TRAK2: variants seen among roughly 807,000 people sequenced by gnomAD.
TRAK2 encodes trafficking kinesin-binding protein 2.
Under a neutral mutation model 104.6 loss-of-function variants are expected in TRAK2, and 81 were observed. The observed-to-expected ratio is 0.77, with a 90% CI of 0.65 to 0.93. The LOEUF is 0.93. Among genes scored for constraint, TRAK2 ranks in the 40% least tolerant of loss-of-function variants. The pLI, the probability that TRAK2 is intolerant of heterozygous loss-of-function variation, is 0.00. For missense variants in TRAK2, 1,002 were observed against 1,089.0 expected (o/e 0.92, Z 1.12); for synonymous variants, 406 against 394.4 (o/e 1.03, Z -0.35).
Position 201,437,123 on chromosome 2 carries a change from T to C in TRAK2, c.-200+14227A>G, listed in dbSNP as rs539704014. On this transcript the variant is annotated intron_variant, in intron 1 of 15. Transcript: ENST00000332624. ...AGAATTAACATGCAATAGACGCCTT[T>C]GGTTTGCCCATGAACTTCAGGGCAA... Among the ~76,000 whole-genome samples, 5 of 152,300 alleles carry C rather than the reference T, an allele frequency of 3.3e-5. No individual in the cohort carries two copies. In the South Asian group the frequency reaches 6.2e-4, roughly 19 times the overall value.
At chr2:201,411,931 G>A in intron 2 of TRAK2, 1 of 1,012,110 alleles carries the variant, frequency 9.9e-7, no homozygotes, top group East Asian at 2.4e-5. Context: ...AGAGCTCCTG[G>A]TATTGAATGG....
intron 6 of TRAK2, 96 bp downstream of exon 6, chr2:201,398,049 A>T: frequency 8.4e-7 from 1 of 1,190,430 alleles, no homozygotes; most frequent in Non-Finnish European, 1.2e-6. Flanking sequence ...TGCCAATAGC[A>T]AATCCTTACT....
In TRAK2 at chr2:201,401,077, C is replaced by T. The variant is rs145790146; in HGVS notation, c.304G>A (p.Val102Met). Reference sequence around the variant, plus strand: ...TTGTAAGTTTTGGTCATCTGCTCCACCCTGTCTGTGCCTAGAACTAATATA... The same window carrying T: ...TTGTAAGTTTTGGTCATCTGCTCCATCCTGTCTGTGCCTAGAACTAATATA... ...FRYMILGTDR[V>M]EQMTKTYNDI... The change falls in exon 4 of 16, where the codon GTG becomes ATG. Residue 102 changes from valine to methionine, a missense_variant. Val to Met is a conservative substitution (Grantham distance 21). Coordinates refer to ENST00000332624, the MANE Select transcript of TRAK2 (RefSeq NM_015049.3). The T allele has an allele frequency of 3.7e-6, 6 of 1,609,848 alleles. No individual in the cohort carries two copies. The highest frequency in any genetic ancestry group is 4.2e-6 in the Non-Finnish European group (5 of 1,177,168).
chr2:201,429,382 G>C (rs1951821019), intron 1 of TRAK2, among the ~76,000 whole-genome samples: 1 of 152,164 alleles, frequency 6.6e-6, no homozygotes, highest in Non-Finnish European at 1.5e-5. Context: ...GGCATTCTCT[G>C]TATTTCCTGA....
chr2:201,431,162 C>T (rs988852563), intron 1 of TRAK2, among the ~76,000 whole-genome samples: 18 of 152,132 alleles, frequency 1.2e-4, no homozygotes, highest in Admixed American at 2.0e-4. Context: ...AGTGATGATT[C>T]CTAAAGCTCA....
intron 4 of TRAK2, 56 bp downstream of exon 4, chr2:201,400,962 C>G: frequency 7.1e-7 from 1 of 1,401,634 alleles, no homozygotes; most frequent in Non-Finnish European, 1.0e-6. Flanking sequence ...TTGATAGATT[C>G]CAAATGATCC....
chr2:201,407,346 A>G lies in TRAK2; in HGVS notation c.286+57T>C, dbSNP rs1576518548. 12 of 1,457,034 alleles carry G rather than the reference A, an allele frequency of 8.2e-6. No homozygotes were observed. The East Asian group carries it at 2.9e-4, about 35-fold the overall frequency. The allele number at this position is 1,457,034 out of a possible 1,614,324, so 90.3% of individuals were successfully genotyped here. The stretch of plus-strand genomic sequence containing the variant: ...ATCAGTGCTTTAAAAATCAATACCA[A>G]GATACCCATGATCATTACTTTAATG... On this transcript the variant is annotated intron_variant, in intron 3 of 15. Coordinates refer to ENST00000332624, the MANE Select transcript of TRAK2 (RefSeq NM_015049.3).
chr2:201,411,057 GA>G (rs1951641965), intron 2 of TRAK2: 1 of 1,214,130 alleles, frequency 8.2e-7, no homozygotes, highest in African/African-American at 1.5e-5. Flanking sequence ...AACTGGTGTA[GA>G]AAACATCATG....
chr2:201,380,503 A>G lies in TRAK2; in HGVS notation c.*40T>C, dbSNP rs1387623200. 2.5e-6 allele frequency: 4 copies of G among 1,585,844 alleles called. No individual in the cohort carries two copies. Among genetic ancestry groups the G allele is most frequent in the Non-Finnish European group, 1.7e-6 (2 of 1,159,898 alleles). On this transcript the variant is annotated 3_prime_UTR_variant, in exon 16 of 16. Transcript: ENST00000332624. ...ATGTTTCAGTGCATATCTATCCTTC[A>G]TGTGCTAACTTGTATAAAAGGTCAG...
At chr2:201,394,318 A>G (rs961187358) in intron 9 of TRAK2, among the ~76,000 whole-genome samples, 6 of 149,928 alleles carry the variant, frequency 4.0e-5, no homozygotes, top group Non-Finnish European at 7.4e-5. Context: ...TAGGGACAGG[A>G]CTTTTAAAAT....
intron 4 of TRAK2, 22 bp from the exon 5 acceptor site, chr2:201,399,515 C>A (rs571338958): frequency 1.1e-5 from 18 of 1,578,962 alleles, no homozygotes; most frequent in Non-Finnish European, 1.5e-5. Flanking sequence ...CCAAATACAC[C>A]TTTTCTTTGA....
At chr2:201,390,899 A>T (rs1951442237) in intron 10 of TRAK2, among the ~76,000 whole-genome samples, 1 of 151,880 alleles carries the variant, frequency 6.6e-6, no homozygotes, top group Non-Finnish European at 1.5e-5. Context: ...GCTCAGTGGG[A>T]CTCAGCTGAG....
chr2:201,400,957 A>C (rs2125646973), intron 4 of TRAK2, 61 bp downstream of exon 4: 1 of 1,352,716 alleles, frequency 7.4e-7, no homozygotes, highest in Middle Eastern at 1.8e-4. Flanking sequence ...CAAATTTGAT[A>C]GATTCCAAAT....
intron 6 of TRAK2, chr2:201,397,836 G>T (rs1302831823): frequency 1.8e-6 from 1 of 554,172 alleles, no homozygotes; most frequent in Non-Finnish European, 3.2e-6. Flanking sequence ...TCTTATCACA[G>T]TTGTAACTAC....
At chr2:201,393,709 G>C (rs1951468993) in intron 9 of TRAK2, among the ~76,000 whole-genome samples, 1 of 152,126 alleles carries the variant, frequency 6.6e-6, no homozygotes, top group Admixed American at 6.6e-5. Context: ...TCTTGGGATG[G>C]TGCCTGGAAA....
At position 201,422,901 on chromosome 2, in the gene TRAK2, C is replaced by G. The variant is rs1312726736; in HGVS notation, c.-199-2195G>C. Reference sequence around the variant, plus strand: ...TTCTGTGGTTATTGGCATGGGGTTTCCATTTCTTACCAATTTCTATTACTT... The same window carrying G: ...TTCTGTGGTTATTGGCATGGGGTTTGCATTTCTTACCAATTTCTATTACTT... On this transcript the variant is annotated intron_variant, in intron 1 of 15. Transcript: ENST00000332624. Among the ~76,000 whole-genome samples the G allele has an allele frequency of 2.6e-5, 4 of 152,114 alleles. No homozygotes were observed. The East Asian group carries it at 7.7e-4, about 29-fold the overall frequency.
chr2:201,378,076 AATG>A lies in TRAK2; in HGVS notation c.*2464_*2466del, dbSNP rs1264426857. 3 of 152,156 alleles carry A rather than the reference AATG, an allele frequency of 2.0e-5. No individual in the cohort carries two copies. The highest frequency in any genetic ancestry group is 4.4e-5 in the Non-Finnish European group (3 of 68,018). 9.4% of individuals were successfully genotyped at this position (152,156 alleles called of 1,614,324 possible). On this transcript the variant is annotated 3_prime_UTR_variant, in exon 16 of 16. Coordinates refer to ENST00000332624, the MANE Select transcript of TRAK2 (RefSeq NM_015049.3). ...ATAGAGATTATCAGGATATACCAAA[AATG>A]ATTTTAGGTAGAAACTTCAAAAAAC...
At chr2:201,395,073 A>G (rs756436703) in intron 8 of TRAK2, 30 of 613,756 alleles carry the variant, frequency 4.9e-5, no homozygotes, top group Non-Finnish European at 7.2e-5. Flanking sequence ...GCATGAGTCA[A>G]TAATTTACAC....
chr2:201,387,388 T>C (rs1358918222), intron 13 of TRAK2, among the ~76,000 whole-genome samples: 1 of 152,198 alleles, frequency 6.6e-6, no homozygotes, highest in Non-Finnish European at 1.5e-5. Context: ...CATATCTTAT[T>C]CATCTAACCA....
Sources: allele counts gnomAD v4.1 joint callset (sites outside exome capture counted in the v4.1 genomes callset), GRCh38; gene constraint gnomAD v4.1.1; transcripts MANE v1.5; gene names NCBI Gene and HGNC (gene_info 2026-07-23, HGNC 2026-07-21).